The following IMMP2L variants were observed in gnomAD, a reference collection of about 807,000 sequenced individuals.
IMMP2L encodes inner mitochondrial membrane peptidase subunit 2.
Under a neutral mutation model 19.3 loss-of-function variants are expected in IMMP2L, and 18 were observed. The ratio of observed to expected loss-of-function variants is 0.93; its 90% CI spans 0.64 to 1.38. IMMP2L has a LOEUF of 1.38. Ranked by LOEUF, IMMP2L falls within the 40% of genes most tolerant of loss-of-function variation. The pLI is 0.00. For missense variants in IMMP2L, 233 were observed against 218.2 expected (o/e 1.07, Z -0.43); for synonymous variants, 76 against 73.0 (o/e 1.04, Z -0.21).
At chr7:110,838,446 G>T (rs1004548210) in intron 5 of IMMP2L, among the ~76,000 whole-genome samples, 3 of 152,066 alleles carry the variant, frequency 2.0e-5, no homozygotes, top group Non-Finnish European at 4.4e-5. Flanking sequence ...ACTTAATCCA[G>T]TATGGCAGTA....
rs1255391396 is a variant in IMMP2L, at chr7:111,446,328, C to T, written c.239+40910G>A. Reference sequence around the variant, plus strand: ...CCCTGTCTGACAGCTTTGAAGAGAGCAGTGGTTCTCCCAGCACACAGCTGG... The same window carrying T: ...CCCTGTCTGACAGCTTTGAAGAGAGTAGTGGTTCTCCCAGCACACAGCTGG... On this transcript the variant is annotated intron_variant, in intron 3 of 5. Coordinates refer to ENST00000405709, the MANE Select transcript of IMMP2L (RefSeq NM_032549.4). Among the ~76,000 whole-genome samples the T allele has an allele frequency of 3.2e-3, 458 of 144,190 alleles. 2 individuals are homozygous for T. Among genetic ancestry groups the T allele is most frequent in the South Asian group, 5.3e-3 (25 of 4,718 alleles). 94.6% of individuals were successfully genotyped at this position (144,190 alleles called of 152,430 possible).
intron 3 of IMMP2L, chr7:111,483,687 C>T (rs1209825516): frequency 6.6e-6 from 1 of 152,166 alleles, no homozygotes; most frequent in Non-Finnish European, 1.5e-5. Context: ...AACAAAACCC[C>T]TTGCAATAGA....
At chr7:110,778,257 A>G (rs551531506) in intron 5 of IMMP2L, among the ~76,000 whole-genome samples, 97 of 152,114 alleles carry the variant, frequency 6.4e-4, no homozygotes, top group Non-Finnish European at 1.2e-3. Flanking sequence ...GTGTTTTTAC[A>G]TATGTGACCA....
rs539038507 is a variant in IMMP2L, at chr7:111,426,532, A to T, written c.239+60706T>A. 8.6e-4 allele frequency among the ~76,000 whole-genome samples: 130 copies of T among 151,222 alleles called. 2 individuals are homozygous for T. Among genetic ancestry groups the T allele is most frequent in the Non-Finnish European group, 1.7e-3 (114 of 67,706 alleles). On this transcript the variant is annotated intron_variant, in intron 3 of 5. Coordinates refer to ENST00000405709, the MANE Select transcript of IMMP2L (RefSeq NM_032549.4). Reference sequence around the variant, plus strand: ...GTTTCCCTAGACCAGGATGCAAATAAAAATGCAAATCTTTCACACAGCAAC... The same window carrying T: ...GTTTCCCTAGACCAGGATGCAAATATAAATGCAAATCTTTCACACAGCAAC...
At chr7:110,938,004 C>G (rs1380799526) in intron 4 of IMMP2L, among the ~76,000 whole-genome samples, 2 of 152,036 alleles carry the variant, frequency 1.3e-5, no homozygotes, top group African/African-American at 4.8e-5. Flanking sequence ...TCCTTGGTCC[C>G]CCTAACCCTA....
At chr7:111,011,298 C>T (rs755999997) in intron 3 of IMMP2L, among the ~76,000 whole-genome samples, 4 of 152,058 alleles carry the variant, frequency 2.6e-5, no homozygotes, top group Admixed American at 6.6e-5. Flanking sequence ...GATTCAGTAA[C>T]GCTTATAACT....
At chr7:110,673,157 C>A (rs1018891203) in intron 5 of IMMP2L, among the ~76,000 whole-genome samples, 1 of 152,222 alleles carries the variant, frequency 6.6e-6, no homozygotes. Flanking sequence ...AACCTCAATT[C>A]TTGACTTCTA....
intron 3 of IMMP2L, among the ~76,000 whole-genome samples, chr7:111,309,851 A>G (rs557604282): frequency 6.6e-6 from 1 of 152,260 alleles, no homozygotes; most frequent in Non-Finnish European, 1.5e-5. Flanking sequence ...CTATTCATGT[A>G]TTACTATTTT....
chr7:111,343,300 C>T (rs1827210686), intron 3 of IMMP2L, among the ~76,000 whole-genome samples: 1 of 152,066 alleles, frequency 6.6e-6, no homozygotes. Flanking sequence ...ACATGCCCTG[C>T]TCACTTCTGT....
intron 3 of IMMP2L, among the ~76,000 whole-genome samples, chr7:111,443,855 G>A (rs1838006186): frequency 6.6e-6 from 1 of 151,920 alleles, no homozygotes; most frequent in Non-Finnish European, 1.5e-5. Context: ...TAAAAAAGAA[G>A]GAATTTGATT....
At chr7:110,883,893 C>T (rs186010134) in intron 5 of IMMP2L, among the ~76,000 whole-genome samples, 1 of 151,984 alleles carries the variant, frequency 6.6e-6, no homozygotes, top group East Asian at 1.9e-4. Context: ...GGAAAGTGTA[C>T]AAGCTAACTG....
intron 3 of IMMP2L, among the ~76,000 whole-genome samples, chr7:111,482,239 G>T (rs1842254294): frequency 6.6e-6 from 1 of 152,058 alleles, no homozygotes; most frequent in South Asian, 2.1e-4. Flanking sequence ...CTTTTTACTT[G>T]CCATGCACTT....
intron 5 of IMMP2L, among the ~76,000 whole-genome samples, chr7:110,878,861 A>C (rs1409303251): frequency 6.6e-6 from 1 of 152,188 alleles, no homozygotes; most frequent in African/African-American, 2.4e-5. Context: ...AATTAAATTC[A>C]GTCATCTTTG....
chr7:111,194,778 T>C (rs1279785363), intron 3 of IMMP2L, among the ~76,000 whole-genome samples: 2 of 152,206 alleles, frequency 1.3e-5, no homozygotes, highest in African/African-American at 2.4e-5. Context: ...AGGTAGGCAT[T>C]ATATCTAACC....
At chr7:110,831,721 C>T (rs1803985483) in intron 5 of IMMP2L, among the ~76,000 whole-genome samples, 1 of 152,174 alleles carries the variant, frequency 6.6e-6, no homozygotes, top group Admixed American at 6.5e-5. Flanking sequence ...AAGAAGAATG[C>T]TCTGGCCTGA....
intron 3 of IMMP2L, among the ~76,000 whole-genome samples, chr7:111,418,848 A>T (rs2131581581): frequency 6.6e-6 from 1 of 152,000 alleles, no homozygotes; most frequent in East Asian, 1.9e-4. Flanking sequence ...TACACATACA[A>T]ATATAAAAAT....
rs556174893 is a variant in IMMP2L, at chr7:110,936,842, A to C, written c.305+26658T>G. ...AGACTAGATAAAGAAAATGTGGTAC[A>C]TATACACCATGGAATACTATGCAGC... On this transcript the variant is annotated intron_variant, in intron 4 of 5. Coordinates refer to ENST00000405709, the MANE Select transcript of IMMP2L (RefSeq NM_032549.4). Among the ~76,000 whole-genome samples the C allele has an allele frequency of 5.3e-5, 8 of 152,336 alleles. No homozygotes were observed. In the South Asian group the frequency reaches 1.7e-3, roughly 32 times the overall value.
Position 110,757,650 on chromosome 7 carries a change from C to T in IMMP2L, c.409-93929G>A, listed in dbSNP as rs1798112001. On this transcript the variant is annotated intron_variant, in intron 5 of 5. Coordinates refer to ENST00000405709, the MANE Select transcript of IMMP2L (RefSeq NM_032549.4). This position sits in a 1 kb window ranked among gnomAD's most constrained non-coding sequence, Gnocchi z 4.2. ...ACCGGGTTCTATAAGTGCTCCCAGCCCTTGTCCAGCAGTGGTAACAGCTCT... is the reference window on the plus strand; with the variant it reads ...ACCGGGTTCTATAAGTGCTCCCAGCTCTTGTCCAGCAGTGGTAACAGCTCT... Among the ~76,000 whole-genome samples the T allele has an allele frequency of 6.6e-6, 1 of 152,110 alleles. No homozygotes were observed. Among genetic ancestry groups the T allele is most frequent in the Admixed American group, 6.6e-5 (1 of 15,240 alleles).
intron 3 of IMMP2L, among the ~76,000 whole-genome samples, chr7:111,040,267 G>T (rs547480421): frequency 1.2e-4 from 18 of 152,252 alleles, no homozygotes; most frequent in Middle Eastern, 3.4e-3. Flanking sequence ...AGAATTTTAG[G>T]TTGCTATTAA....
Sources: gnomAD v4.1 joint callset for allele counts (sites outside exome capture counted in the v4.1 genomes callset) on GRCh38, gnomAD v4.1.1 for gene constraint, Gnocchi (gnomAD v3.1) non-coding constraint, MANE v1.5 for transcripts, NCBI Gene and HGNC (gene_info 2026-07-23, HGNC 2026-07-21) for gene names.